Variants in TXLNB observed in about 807,000 individuals in gnomAD.
The protein encoded by TXLNB is beta-taxilin.
Under a neutral mutation model 57.4 loss-of-function variants are expected in TXLNB, and 37 were observed. The observed-to-expected ratio is 0.64, with a 90% confidence interval of 0.50 to 0.85. TXLNB has a LOEUF of 0.85. TXLNB is among the 40% of genes least tolerant of loss of function. The pLI, the probability that TXLNB is intolerant of heterozygous loss-of-function variation, is 0.00. For synonymous variants in TXLNB, 302 were observed against 309.6 expected, an observed-to-expected ratio of 0.98 and a Z score of 0.26; for missense variants, 848 against 825.6, an observed-to-expected ratio of 1.03 and a Z score of -0.33.
rs10499209 is a variant in TXLNB at position 139,257,243 on chromosome 6, T to C, written c.1003-1605A>G. 1.5e-3 allele frequency among the ~76,000 whole-genome samples: 230 copies of C among 152,294 alleles called. 3 individuals carry two copies. In the East Asian group the frequency reaches 0.027, roughly 18 times the overall value. ...TAGTGCTAGAACCTAAAAATACTTA[T>C]GAAGCAGCTTGTCTGGATAATTCTC... On this transcript the variant is annotated intron_variant, in intron 6 of 9. Coordinates refer to ENST00000358430, the MANE Select transcript of TXLNB (RefSeq NM_153235.4).
At chr6:139,197,624 A>C in the TXLNB span, 1 of 152,242 alleles carries the variant, frequency 6.6e-6, no homozygotes, top group Non-Finnish European at 1.5e-5. Context: ...GGAATCAGGA[A>C]TCTGAGGAAC....
chr6:139,271,352 C>G (rs1776758579), intron 3 of TXLNB: 1 of 152,252 alleles, frequency 6.6e-6, no homozygotes. Flanking sequence ...CTGGTTTCTG[C>G]TGAGCCCAGT....
intron 8 of TXLNB, among the ~76,000 whole-genome samples, chr6:139,247,217 C>T (rs2114441188): frequency 6.6e-6 from 1 of 152,232 alleles, no homozygotes; most frequent in Middle Eastern, 3.4e-3. Flanking sequence ...ATCTCACTCG[C>T]TGCAACCTCT....
chr6:139,180,969 T>C, the TXLNB span, among the ~76,000 whole-genome samples: 7 of 152,228 alleles, frequency 4.6e-5, no homozygotes, highest in Non-Finnish European at 1.0e-4. Context: ...CTGCCAACTT[T>C]TTTGCTGCTT....
At chr6:139,269,960 C>CT (rs1223286074) in intron 4 of TXLNB, among the ~76,000 whole-genome samples, 2 of 152,256 alleles carry the variant, frequency 1.3e-5, no homozygotes, top group Non-Finnish European at 2.9e-5. Flanking sequence ...CAATAGCTTC[C>CT]TTTTTTTCAG....
the TXLNB span, among the ~76,000 whole-genome samples, chr6:139,230,876 A>T: frequency 6.6e-6 from 1 of 152,224 alleles, no homozygotes; most frequent in Non-Finnish European, 1.5e-5. Context: ...CACATGACTC[A>T]AATTACATCT....
upstream of TXLNB, among the ~76,000 whole-genome samples, chr6:139,295,193 G>C (rs1777368363): frequency 6.6e-6 from 1 of 152,058 alleles, no homozygotes; most frequent in Admixed American, 6.5e-5. Context: ...TCCAAAACAG[G>C]CATATGCATT....
At chr6:139,220,907 C>G in the TXLNB span, among the ~76,000 whole-genome samples, 1 of 152,110 alleles carries the variant, frequency 6.6e-6, no homozygotes, top group Non-Finnish European at 1.5e-5. Context: ...TTCAGAATCT[C>G]AAGATAATGA....
At chr6:139,202,081 G>C in the TXLNB span, among the ~76,000 whole-genome samples, 1 of 152,124 alleles carries the variant, frequency 6.6e-6, no homozygotes, top group Admixed American at 6.5e-5. Context: ...CCATTTGAAA[G>C]TTTCTCAGTT....
At chr6:139,172,701 G>A in the TXLNB span, among the ~76,000 whole-genome samples, 1 of 152,302 alleles carries the variant, frequency 6.6e-6, no homozygotes, top group East Asian at 1.9e-4. Flanking sequence ...CAGTGAGTTT[G>A]CCTGTAGGTT....
chr6:139,198,209 T>A, the TXLNB span, among the ~76,000 whole-genome samples: 1 of 151,946 alleles, frequency 6.6e-6, no homozygotes, highest in African/African-American at 2.4e-5. Context: ...TTTTTTTTTT[T>A]AACTAATAAA....
Position 139,241,132 on chromosome 6 carries a change from A to C in TXLNB, c.*1394T>G. ...TGTAATACTCATGTTGACAACCCCA[A>C]GTGTTTCTAGCTTTTGCCTTCTCCT... On this transcript the variant is annotated 3_prime_UTR_variant, in exon 10 of 10. Transcript: ENST00000358430. 6.6e-6 allele frequency: 1 copy of C among 152,174 alleles called. No individual in the cohort carries two copies. The highest frequency in any genetic ancestry group is 1.9e-4 in the East Asian group (1 of 5,200). The allele number at this position is 152,174 out of a possible 1,614,324, so 9.4% of individuals were successfully genotyped here.
chr6:139,283,507 C>T lies in TXLNB; in HGVS notation c.424+4969G>A, dbSNP rs13212038. Among the ~76,000 whole-genome samples, 58 of 137,280 alleles carry T rather than the reference C, an allele frequency of 4.2e-4. 8 individuals are homozygous for T. The highest frequency in any genetic ancestry group is 6.5e-4 in the Admixed American group (9 of 13,790). The allele number at this position is 137,280 out of a possible 152,430, so 90.1% of individuals were successfully genotyped here. A position where few individuals can be genotyped will look rare whatever the true frequency, so the allele number is the denominator to read the frequency against. On this transcript the variant is annotated intron_variant, in intron 2 of 9. Coordinates refer to ENST00000358430, the MANE Select transcript of TXLNB (RefSeq NM_153235.4). ...AGGAGAATCGATTGAACCCGGAGGG[C>T]GGAGGTTGTGGTGAGCCGAGATCGC...
At chr6:139,311,223 TTTTG>T in the TXLNB span, among the ~76,000 whole-genome samples, 1 of 152,180 alleles carries the variant, frequency 6.6e-6, no homozygotes, top group Non-Finnish European at 1.5e-5. Flanking sequence ...CCCTAATGCT[TTTTG>T]ACATCTTGAT....
At chr6:139,200,696 G>A in the TXLNB span, among the ~76,000 whole-genome samples, 1 of 152,066 alleles carries the variant, frequency 6.6e-6, no homozygotes, top group African/African-American at 2.4e-5. Context: ...GTCTCCATTA[G>A]GTTTCTATTT....
At position 139,276,892 on chromosome 6, in the gene TXLNB, G is replaced by T; in HGVS notation, c.454C>A (p.Leu152Met). Residue 152 changes from leucine (L) to methionine (M), a missense_variant, in exon 3 of 10, where the codon CTG becomes ATG. Transcript: ENST00000358430. ...TCTTCCGGTGTTTGCAACTTGTTCA[G>T]ATTTTGCATTAGCAGGTTGGCTTCT... ...GKEANLLMQN[L>M]NKLQTPEEKF... 6.3e-7 allele frequency: 1 copy of T among 1,594,794 alleles called. No individual in the cohort carries two copies.
the TXLNB span, among the ~76,000 whole-genome samples, chr6:139,193,822 T>TTATATATATATATATATA: frequency 1.1e-5 from 1 of 92,662 alleles, no homozygotes; most frequent in African/African-American, 4.8e-5. Flanking sequence ...CCTGGCTAAT[T>TTATATATATATATATATA]TATATATATA....
intron 7 of TXLNB, chr6:139,251,546 G>A (rs1410600291): frequency 6.6e-6 from 1 of 152,206 alleles, no homozygotes; most frequent in Non-Finnish European, 1.5e-5. Context: ...TTGGTTTCAT[G>A]TGTCATATTC....
At chr6:139,279,910 C>T (rs371958687) in intron 2 of TXLNB, among the ~76,000 whole-genome samples, 4 of 152,116 alleles carry the variant, frequency 2.6e-5, no homozygotes, top group African/African-American at 9.7e-5. Flanking sequence ...GCAGACACAG[C>T]GCTGTTGCAT....
Sources: gnomAD v4.1 joint callset for allele counts (sites outside exome capture counted in the v4.1 genomes callset) on GRCh38, gnomAD v4.1.1 for gene constraint, MANE v1.5 for transcripts, NCBI Gene and HGNC (gene_info 2026-07-23, HGNC 2026-07-21) for gene names.